RANBP2: variants seen among roughly 807,000 people sequenced by gnomAD.
RANBP2 encodes E3 SUMO-protein ligase RanBP2.
RANBP2 carries 57 observed loss-of-function variants against 303.6 expected under a neutral mutation model. That is an observed-to-expected ratio of 0.19 (90% CI 0.15 to 0.23). The LOEUF is 0.23. RANBP2 is among the 10% of genes least tolerant of loss of function. RANBP2 has a pLI of 1.00. For missense variants in RANBP2, 3,138 were observed against 3,780.8 expected (o/e 0.83, Z 4.46); for synonymous variants, 1,167 against 1,301.5 (o/e 0.90, Z 2.23).
the RANBP2 span, among the ~76,000 whole-genome samples, chr2:109,534,226 C>T: frequency 6.6e-6 from 1 of 152,142 alleles, no homozygotes; most frequent in Non-Finnish European, 1.5e-5. Flanking sequence ...CCTAGAAATG[C>T]CTGGTTTTCT....
At chr2:109,138,791 G>A in the RANBP2 span, among the ~76,000 whole-genome samples, 25 of 152,208 alleles carry the variant, frequency 1.6e-4, no homozygotes, top group Non-Finnish European at 2.5e-4. Flanking sequence ...GGCCCAGAAC[G>A]AGTGATGTTA....
the RANBP2 span, among the ~76,000 whole-genome samples, chr2:109,107,733 C>A: frequency 6.6e-6 from 1 of 152,108 alleles, no homozygotes; most frequent in Non-Finnish European, 1.5e-5. Context: ...ATTTAACCTG[C>A]AGCAACTTTT....
chr2:109,656,665 C>T, the RANBP2 span, among the ~76,000 whole-genome samples: 356 of 152,306 alleles, frequency 2.3e-3, 1 homozygote, highest in African/African-American at 8.1e-3. Flanking sequence ...CTAAAGGAAG[C>T]GCAGACTGCT....
the RANBP2 span, among the ~76,000 whole-genome samples, chr2:109,426,352 A>G: frequency 2.0e-5 from 3 of 152,358 alleles, no homozygotes; most frequent in African/African-American, 7.2e-5. Context: ...GGAGGTCAAA[A>G]TATCAACATT....
the RANBP2 span, among the ~76,000 whole-genome samples, chr2:109,498,538 G>A: frequency 6.6e-6 from 1 of 152,244 alleles, no homozygotes; most frequent in Non-Finnish European, 1.5e-5. Context: ...GTGGGGTGGG[G>A]AAGGGCAAAG....
the RANBP2 span, among the ~76,000 whole-genome samples, chr2:109,356,362 C>T: frequency 5.2e-4 from 79 of 152,330 alleles, no homozygotes; most frequent in African/African-American, 1.8e-3. Context: ...TGCCACCACA[C>T]TGCAGCTAGG....
the RANBP2 span, among the ~76,000 whole-genome samples, chr2:109,159,458 G>A: frequency 1.7e-3 from 252 of 152,354 alleles, 3 homozygotes; most frequent in Admixed American, 5.8e-3. Flanking sequence ...GTGGATTTTA[G>A]TGGGGGAAGA....
the RANBP2 span, among the ~76,000 whole-genome samples, chr2:109,690,683 G>A: frequency 5.3e-5 from 8 of 151,976 alleles, no homozygotes; most frequent in Admixed American, 3.9e-4. Context: ...AGTGAGGGAC[G>A]AGCCAGGCCG....
the RANBP2 span, among the ~76,000 whole-genome samples, chr2:109,237,804 T>G: frequency 6.6e-6 from 1 of 152,150 alleles, no homozygotes; most frequent in East Asian, 1.9e-4. Context: ...AAAAAACAAA[T>G]ACTTTCTACA....
At chr2:109,677,868 C>T in the RANBP2 span, among the ~76,000 whole-genome samples, 7 of 152,338 alleles carry the variant, frequency 4.6e-5, no homozygotes, top group South Asian at 2.1e-4. Context: ...GCTGGACTCC[C>T]GCTGAAGGCA....
chr2:109,223,079 C>T, the RANBP2 span, among the ~76,000 whole-genome samples: 3 of 152,350 alleles, frequency 2.0e-5, no homozygotes, highest in Middle Eastern at 3.4e-3. Context: ...GGCACCACGC[C>T]CTGATGCTTC....
chr2:109,453,569 C>T, the RANBP2 span, among the ~76,000 whole-genome samples: 3 of 152,162 alleles, frequency 2.0e-5, no homozygotes, highest in African/African-American at 7.2e-5. Context: ...CATCCCTAAC[C>T]ACCCGACCGG....
chr2:108,802,338 C>A, the RANBP2 span, among the ~76,000 whole-genome samples: 2 of 118,344 alleles, frequency 1.7e-5, no homozygotes, highest in Non-Finnish European at 3.3e-5. Context: ...TTGAAGAGGT[C>A]CTTCACATCC....
the RANBP2 span, among the ~76,000 whole-genome samples, chr2:109,078,303 G>A: frequency 5.2e-4 from 63 of 122,126 alleles, 1 homozygote; most frequent in African/African-American, 1.7e-3. Context: ...TATATATAGC[G>A]TGTATATATA....
chr2:108,854,093 TATATATATAATAA>T, the RANBP2 span, among the ~76,000 whole-genome samples: 2 of 133,162 alleles, frequency 1.5e-5, no homozygotes, highest in East Asian at 2.0e-4. Flanking sequence ...AAATTTATAT[TATATATATAATAA>T]ATATATATAA....
the RANBP2 span, among the ~76,000 whole-genome samples, chr2:108,843,642 T>G: frequency 6.6e-6 from 1 of 152,186 alleles, no homozygotes; most frequent in Non-Finnish European, 1.5e-5. Flanking sequence ...ATCTGTCATT[T>G]GAGTTATTTT....
At chr2:109,459,253 T>C in the RANBP2 span, among the ~76,000 whole-genome samples, 1 of 152,136 alleles carries the variant, frequency 6.6e-6, no homozygotes, top group African/African-American at 2.4e-5. Context: ...CACAGACATA[T>C]TCTTAACAAA....
chr2:109,677,924 G>A, the RANBP2 span, among the ~76,000 whole-genome samples: 12 of 152,326 alleles, frequency 7.9e-5, no homozygotes, highest in South Asian at 2.1e-3. Context: ...CTGGTAAGGG[G>A]ATTTGTAGGC....
the RANBP2 span, among the ~76,000 whole-genome samples, chr2:109,483,117 A>T: frequency 2.6e-5 from 4 of 152,196 alleles, no homozygotes; most frequent in South Asian, 8.3e-4. Flanking sequence ...TCTTCCAGTA[A>T]CTGTTCTCAG....
Sources: gnomAD v4.1 joint callset for allele counts (sites outside exome capture counted in the v4.1 genomes callset) on GRCh38, gnomAD v4.1.1 for gene constraint, MANE v1.5 for transcripts, NCBI Gene and HGNC (gene_info 2026-07-23, HGNC 2026-07-21) for gene names.